ANKRD26: variants seen among roughly 807,000 people sequenced by gnomAD.
ANKRD26 encodes ankyrin repeat domain-containing protein 26.
In ANKRD26, 141 loss-of-function variants were observed where a neutral mutation model predicts 208.7. The ratio of observed to expected loss-of-function variants is 0.68; its 90% CI spans 0.59 to 0.78. ANKRD26 has a LOEUF of 0.78. ANKRD26 is among the 30% of genes least tolerant of loss of function. ANKRD26 has a pLI of 0.00. For missense variants in ANKRD26, 1,889 were observed against 1,938.7 expected (o/e 0.97, Z 0.48); for synonymous variants, 636 against 660.4 (o/e 0.96, Z 0.57).
intron 12 of ANKRD26, among the ~76,000 whole-genome samples, chr10:27,062,626 A>T (rs980217649): frequency 3.3e-5 from 5 of 152,206 alleles, no homozygotes; most frequent in African/African-American, 1.2e-4. Flanking sequence ...CTGAAATTGT[A>T]TTGCAAGTCA....
exon 5 of ANKRD26, among the ~76,000 whole-genome samples, chr10:26,980,787 A>G (rs998903483): frequency 1.3e-5 from 2 of 152,174 alleles, no homozygotes; most frequent in African/African-American, 4.8e-5. Flanking sequence ...CAGGCAGAGG[A>G]AACAGATCTG....
At chr10:27,017,446 T>C (rs1033754546) in intron 30 of ANKRD26, 56 bp downstream of exon 30, 1 of 1,573,954 alleles carries the variant, frequency 6.4e-7, no homozygotes, top group African/African-American at 1.3e-5. Context: ...ATAATGTATA[T>C]ATCCAAAATA....
At chr10:26,954,322 G>C in the ANKRD26 span, among the ~76,000 whole-genome samples, 2 of 152,150 alleles carry the variant, frequency 1.3e-5, no homozygotes, top group Admixed American at 1.3e-4. Context: ...CCTTTCTCCA[G>C]TGATTTGAAA....
At chr10:26,964,702 G>GA in the ANKRD26 span, among the ~76,000 whole-genome samples, 1 of 152,156 alleles carries the variant, frequency 6.6e-6, no homozygotes, top group Admixed American at 6.5e-5. Context: ...TACAGGACTG[G>GA]AAAAATAACA....
At chr10:27,000,044 G>A (rs942928226), downstream of ANKRD26, among the ~76,000 whole-genome samples, 5 of 152,018 alleles carry the variant, frequency 3.3e-5, no homozygotes, top group Admixed American at 6.6e-5. Context: ...ATGACCCTCC[G>A]CCCACACAGA....
At chr10:27,005,803 A>G in intron 33 of ANKRD26, 80 bp from the exon 34 acceptor site, 8 of 1,524,356 alleles carry the variant, frequency 5.2e-6, no homozygotes, top group Non-Finnish European at 6.2e-6. Context: ...AAAAGAGTTG[A>G]GAATTTTGTC....
intron 28 of ANKRD26, 22 bp from the exon 29 acceptor site, chr10:27,022,709 GTAAC>G: frequency 6.4e-7 from 1 of 1,568,292 alleles, no homozygotes. Flanking sequence ...TACAAAATGA[GTAAC>G]TCAAGTTTTA....
chr10:27,071,158 C>CTTTTTT (rs1564411968), intron 9 of ANKRD26, among the ~76,000 whole-genome samples: 1 of 128,732 alleles, frequency 7.8e-6, no homozygotes, highest in African/African-American at 3.1e-5. Context: ...TTGCTACATT[C>CTTTTTT]ATTTTTTTTT....
chr10:27,065,738 A>AC (rs1213442373), intron 11 of ANKRD26, among the ~76,000 whole-genome samples: 62 of 150,088 alleles, frequency 4.1e-4, no homozygotes, highest in Middle Eastern at 3.5e-3. Context: ...AAAACAAAAA[A>AC]AAAAAACAAA....
downstream of ANKRD26, among the ~76,000 whole-genome samples, chr10:26,989,359 A>T (rs1564334378): frequency 6.6e-6 from 1 of 152,214 alleles, no homozygotes; most frequent in East Asian, 1.9e-4. Context: ...TTACTAAATC[A>T]TGGTAAATTG....
the ANKRD26 span, among the ~76,000 whole-genome samples, chr10:26,968,557 A>G: frequency 6.6e-6 from 1 of 152,364 alleles, no homozygotes; most frequent in Non-Finnish European, 1.5e-5. Context: ...CCCAACACAC[A>G]TGAACCACAT....
chr10:27,066,914 T>C (rs1349507377), intron 10 of ANKRD26, among the ~76,000 whole-genome samples: 1 of 151,930 alleles, frequency 6.6e-6, no homozygotes, highest in Non-Finnish European at 1.5e-5. Context: ...TTCAAGCAAT[T>C]CTCTGCCTCA....
rs763617426 is a variant in ANKRD26, at chr10:27,012,855, C to T, written c.4953+27G>A. 68 of 1,594,528 alleles carry T rather than the reference C, an allele frequency of 4.3e-5. No individual in the cohort carries two copies. The Admixed American group carries it at 1.1e-3, about 27-fold the overall frequency. On this transcript the variant is annotated intron_variant, in intron 32 of 33. Transcript: ENST00000376087. ...AGAATTACATGAGAAATTTGAAACC[C>T]AAAGGAAAAAAGACAACATAACTAA...
intron 1 of ANKRD26, among the ~76,000 whole-genome samples, chr10:27,098,533 G>C (rs1218939881): frequency 6.8e-6 from 1 of 146,238 alleles, no homozygotes; most frequent in Non-Finnish European, 1.5e-5. Flanking sequence ...CAAATGCCCA[G>C]AAATAACAAA....
intron 9 of ANKRD26, among the ~76,000 whole-genome samples, chr10:27,069,517 C>T (rs1241720644): frequency 6.6e-6 from 1 of 152,028 alleles, no homozygotes; most frequent in Admixed American, 6.5e-5. Context: ...CTGTGTTGCC[C>T]AGGCTGGTCA....
the ANKRD26 span, among the ~76,000 whole-genome samples, chr10:26,955,608 C>A: frequency 6.6e-6 from 1 of 152,066 alleles, no homozygotes; most frequent in Admixed American, 6.5e-5. Flanking sequence ...ATTTCCTAGC[C>A]TCTTGAACAG....
chr10:27,066,576 C>T (rs1284284475), intron 10 of ANKRD26, 28 bp from the exon 11 acceptor site: 23 of 1,467,416 alleles, frequency 1.6e-5, no homozygotes, highest in Non-Finnish European at 2.1e-5. Context: ...CAGATATATT[C>T]ATGAGAACAT....
chr10:27,013,266 G>C (rs1392633175), intron 31 of ANKRD26, among the ~76,000 whole-genome samples, 156 bp from the exon 32 acceptor site: 2 of 152,164 alleles, frequency 1.3e-5, no homozygotes, highest in Non-Finnish European at 2.9e-5. Flanking sequence ...CATGCCTACT[G>C]TATGCAATTA....
the ANKRD26 span, among the ~76,000 whole-genome samples, chr10:26,952,587 C>T: frequency 8.5e-4 from 129 of 152,048 alleles, no homozygotes; most frequent in South Asian, 6.4e-3. Flanking sequence ...GCCAAGCTTG[C>T]GCCACTGCAC....
Sources: gnomAD v4.1 joint callset for allele counts (sites outside exome capture counted in the v4.1 genomes callset) on GRCh38, gnomAD v4.1.1 for gene constraint, MANE v1.5 for transcripts, NCBI Gene and HGNC (gene_info 2026-07-23, HGNC 2026-07-21) for gene names.